ANKRD18B: variants seen among roughly 807,000 people sequenced by gnomAD.
The protein encoded by ANKRD18B is ankyrin repeat domain-containing protein 18B.
ANKRD18B carries 75 observed loss-of-function variants against 111.8 expected under a neutral mutation model. That is an observed-to-expected ratio of 0.67 (90% CI 0.56 to 0.81). ANKRD18B has a LOEUF of 0.81. Ranked by LOEUF, ANKRD18B falls within the 40% of genes least tolerant of loss-of-function variation. The pLI, the probability that ANKRD18B is intolerant of heterozygous loss-of-function variation, is 0.00. For missense variants in ANKRD18B, 1,038 were observed against 1,225.5 expected (o/e 0.85, Z 2.28); for synonymous variants, 356 against 417.3 (o/e 0.85, Z 1.79).
chr9:33,563,172 G>T (rs1044761145), intron 14 of ANKRD18B, among the ~76,000 whole-genome samples: 6 of 152,102 alleles, frequency 3.9e-5, no homozygotes, highest in African/African-American at 1.4e-4. Context: ...CTACTTTAAA[G>T]GAGACTCTTT....
In ANKRD18B at chr9:33,524,693, C is replaced by T. The variant is rs1465834246; in HGVS notation, c.204C>T (p.Asp68=). The change falls in exon 1 of 19, where the codon GAC becomes GAT. Residue 68 remains aspartate (D), a splice_region_variant and synonymous_variant. Transcript: ENST00000684830. ...FRDLDVRDRK[D]RTVLHLACAH... ...ACTTGGACGTCCGCGACAGAAAAGA[C>T]AGGTAGCGGGGGCTCAGCCCTCGGT... 9.7e-6 allele frequency: 15 copies of T among 1,549,404 alleles called. No homozygotes were observed. The highest frequency in any genetic ancestry group is 1.0e-5 in the Non-Finnish European group (12 of 1,146,330).
At chr9:33,536,843 TA>T in intron 5 of ANKRD18B, 34 bp from the exon 6 acceptor site, 1 of 1,282,112 alleles carries the variant, frequency 7.8e-7, no homozygotes, top group Non-Finnish European at 1.1e-6. Flanking sequence ...ATATCACTAT[TA>T]AAATACTAAT....
At chr9:33,552,057 C>G (rs969367612) in intron 12 of ANKRD18B, among the ~76,000 whole-genome samples, 21 of 152,202 alleles carry the variant, frequency 1.4e-4, no homozygotes, top group African/African-American at 5.1e-4. Flanking sequence ...ACATGAATGT[C>G]ACCTATCCTT....
intron 14 of ANKRD18B, among the ~76,000 whole-genome samples, chr9:33,565,170 A>T (rs567154857): frequency 2.3e-4 from 35 of 152,274 alleles, no homozygotes; most frequent in African/African-American, 7.9e-4. Flanking sequence ...TTCAATCTTC[A>T]ATTGATTCTG....
intron 14 of ANKRD18B, among the ~76,000 whole-genome samples, chr9:33,562,286 C>T (rs528139363): frequency 1.8e-3 from 275 of 151,552 alleles, no homozygotes; most frequent in African/African-American, 6.2e-3. Flanking sequence ...GTCTGAGCTG[C>T]CAGCTTTCCT....
At chr9:33,532,591 G>A (rs1038058278) in intron 3 of ANKRD18B, among the ~76,000 whole-genome samples, 1 of 152,102 alleles carries the variant, frequency 6.6e-6, no homozygotes, top group Non-Finnish European at 1.5e-5. Flanking sequence ...CTTGCATTAG[G>A]AGAAATCCCA....
At chr9:33,566,759 A>G (rs1345825931) in intron 15 of ANKRD18B, among the ~76,000 whole-genome samples, 2 of 152,180 alleles carry the variant, frequency 1.3e-5, no homozygotes, top group Non-Finnish European at 2.9e-5. Context: ...ACCAGTTGGC[A>G]TAAGAGAAAA....
intron 12 of ANKRD18B, among the ~76,000 whole-genome samples, chr9:33,550,994 C>T (rs1361843462): frequency 3.9e-5 from 6 of 152,146 alleles, no homozygotes; most frequent in Non-Finnish European, 5.9e-5. Flanking sequence ...AGCAGCTGTG[C>T]GTATTCATTT....
chr9:33,526,012 T>C (rs1382458255), intron 1 of ANKRD18B, among the ~76,000 whole-genome samples: 1 of 152,114 alleles, frequency 6.6e-6, no homozygotes, highest in Non-Finnish European at 1.5e-5. Flanking sequence ...ATCCACAAGT[T>C]ACTTATTTAC....
chr9:33,536,972 A>G, intron 6 of ANKRD18B, 27 bp downstream of exon 6: 6 of 1,440,360 alleles, frequency 4.2e-6, no homozygotes, highest in Non-Finnish European at 4.6e-6. Context: ...TAAATTTCTC[A>G]TTTCCCTTGG....
Position 33,536,490 on chromosome 9 carries a change from C to T in ANKRD18B, c.741-388C>T, listed in dbSNP as rs191682831. Among the ~76,000 whole-genome samples, 85 of 152,306 alleles carry T rather than the reference C, an allele frequency of 5.6e-4. 2 individuals carry two copies. In the East Asian group the frequency reaches 0.013, roughly 24 times the overall value. The stretch of plus-strand genomic sequence containing the variant: ...AAACATGTTTTCTCATTGCATCCTC[C>T]TAATTACCTAGTGAAGTCAAGTAGT... On this transcript the variant is annotated intron_variant, in intron 5 of 18. Coordinates refer to ENST00000684830, the MANE Select transcript of ANKRD18B (RefSeq NM_001393611.1).
chr9:33,561,310 G>A (rs1828603296), intron 14 of ANKRD18B, among the ~76,000 whole-genome samples: 1 of 152,150 alleles, frequency 6.6e-6, no homozygotes, highest in African/African-American at 2.4e-5. Context: ...ATCTATTAAT[G>A]TGCTTATTAT....
chr9:33,525,759 T>C (rs1366088816), intron 1 of ANKRD18B, among the ~76,000 whole-genome samples: 2 of 149,940 alleles, frequency 1.3e-5, no homozygotes, highest in Non-Finnish European at 3.0e-5. Context: ...TTTACTAATA[T>C]ATAAAAATAT....
rs1462993100 is a variant in ANKRD18B at position 33,555,638 on chromosome 9, A to G, written c.2218-70A>G. On this transcript the variant is annotated intron_variant, in intron 12 of 18. Coordinates refer to ENST00000684830, the MANE Select transcript of ANKRD18B (RefSeq NM_001393611.1). The stretch of plus-strand genomic sequence containing the variant: ...TACATATTATTCATCAACTTATGAG[A>G]AATAATATTTTTAAGATAGAAGAGG... The G allele has an allele frequency of 4.4e-5, 50 of 1,130,236 alleles. No homozygotes were observed. The Admixed American group carries it at 1.9e-3, about 44-fold the overall frequency. The allele number at this position is 1,130,236 out of a possible 1,614,324, so 70.0% of individuals were successfully genotyped here. A position where few individuals can be genotyped will look rare whatever the true frequency, so the allele number is the denominator to read the frequency against.
downstream of ANKRD18B, among the ~76,000 whole-genome samples, chr9:33,573,878 C>T (rs979341235): frequency 3.7e-4 from 54 of 145,312 alleles, 2 homozygotes; most frequent in Middle Eastern, 3.5e-3. Flanking sequence ...CCAGTGGGTA[C>T]CTTGTGACCT....
intron 6 of ANKRD18B, among the ~76,000 whole-genome samples, 193 bp downstream of exon 6, chr9:33,537,138 A>T (rs1563900954): frequency 6.6e-6 from 1 of 151,994 alleles, no homozygotes; most frequent in Non-Finnish European, 1.5e-5. Flanking sequence ...GTCTACTAAA[A>T]ATACAAAAAT....
intron 14 of ANKRD18B, among the ~76,000 whole-genome samples, chr9:33,561,038 G>A (rs397832699): frequency 6.6e-6 from 1 of 152,162 alleles, no homozygotes; most frequent in East Asian, 1.9e-4. Flanking sequence ...TTTTATTTTT[G>A]TGGAGTATAT....
At chr9:33,551,792 T>C (rs577028743) in intron 12 of ANKRD18B, among the ~76,000 whole-genome samples, 1 of 152,344 alleles carries the variant, frequency 6.6e-6, no homozygotes, top group East Asian at 1.9e-4. Flanking sequence ...ATTGGGCAGA[T>C]GTCAGCACCA....
chr9:33,537,574 G>A (rs576115425), intron 6 of ANKRD18B, among the ~76,000 whole-genome samples: 13 of 152,090 alleles, frequency 8.5e-5, no homozygotes, highest in African/African-American at 1.9e-4. Context: ...ACATTGTTAC[G>A]AATTGGACTT....
Sources: allele counts gnomAD v4.1 joint callset (sites outside exome capture counted in the v4.1 genomes callset), GRCh38; gene constraint gnomAD v4.1.1; transcripts MANE v1.5; gene names NCBI Gene and HGNC (gene_info 2026-07-23, HGNC 2026-07-21).